The following ABCB9 variants were observed in gnomAD, a reference collection of about 807,000 sequenced individuals.
The protein encoded by ABCB9 is ATP binding cassette subfamily B member 9, also known as ABC-type oligopeptide transporter ABCB9.
ABCB9 carries 36 observed loss-of-function variants against 62.0 expected under a neutral mutation model. The observed-to-expected ratio is 0.58, with a 90% CI of 0.45 to 0.77. The LOEUF is 0.77. Ranked by LOEUF, ABCB9 falls within the 30% of genes least tolerant of loss-of-function variation. The pLI is 0.00. For synonymous variants in ABCB9, 435 were observed against 461.4 expected, an observed-to-expected ratio of 0.94 and a Z score of 0.73; for missense variants, 943 against 1,054.7, an observed-to-expected ratio of 0.89 and a Z score of 1.47.
chr12:122,937,395 ATAAT>A (rs929680007), intron 9 of ABCB9, among the ~76,000 whole-genome samples: 4 of 152,040 alleles, frequency 2.6e-5, no homozygotes, highest in African/African-American at 4.8e-5. Context: ...ACATAAATAA[ATAAT>A]TAAGAGAGGC....
intron 1 of ABCB9, among the ~76,000 whole-genome samples, chr12:122,973,785 C>T (rs1344625979): frequency 6.6e-6 from 1 of 151,938 alleles, no homozygotes; most frequent in East Asian, 1.9e-4. Context: ...GGCGTGAACC[C>T]GGGAGGCAGA....
chr12:122,949,655 G>A (rs891039486), intron 4 of ABCB9, 133 bp downstream of exon 4: 3 of 1,239,862 alleles, frequency 2.4e-6, no homozygotes, highest in Non-Finnish European at 3.4e-6. Flanking sequence ...GGTGTTCCCA[G>A]CCTGAACTAA....
chr12:122,950,843 G>T, intron 2 of ABCB9: 1 of 373,896 alleles, frequency 2.7e-6, no homozygotes, highest in Non-Finnish European at 5.0e-6. Context: ...CCTGCAGGAT[G>T]CTTCATTCTC....
chr12:122,965,769 C>T (rs1381502403), intron 1 of ABCB9, among the ~76,000 whole-genome samples: 1 of 152,036 alleles, frequency 6.6e-6, no homozygotes, highest in Non-Finnish European at 1.5e-5. Flanking sequence ...AAAAGAGGCT[C>T]CCCTGGGAAC....
At chr12:122,962,958 T>A (rs1427688518) in intron 1 of ABCB9, among the ~76,000 whole-genome samples, 1 of 152,192 alleles carries the variant, frequency 6.6e-6, no homozygotes, top group Non-Finnish European at 1.5e-5. Flanking sequence ...GCCCAGAATC[T>A]GTGTTCTTCA....
chr12:122,940,872 C>T lies in ABCB9; in HGVS notation c.1504G>A (p.Gly502Ser), dbSNP rs776623687. ...DGSLAPDHLE[G>S]RVDFENVTFT... ...GTCACATTCTCAAAGTCCACCCGGC[C>T]CTCCAGGTGGTCGGGGGCCAAGCTG... Residue 502 changes from glycine to serine, a missense_variant, in exon 8 of 12, where the codon GGC becomes AGC. Coordinates refer to ENST00000280560, the MANE Select transcript of ABCB9 (RefSeq NM_019625.4). The surrounding 1 kb of genome is among the most constrained non-coding windows in gnomAD (Gnocchi z 4.8). The T allele has an allele frequency of 1.7e-5, 27 of 1,612,090 alleles. No individual in the cohort carries two copies. Among genetic ancestry groups the T allele is most frequent in the Non-Finnish European group, 2.0e-5 (24 of 1,179,170 alleles).
intron 7 of ABCB9, among the ~76,000 whole-genome samples, chr12:122,942,852 T>A (rs1425412858): frequency 6.6e-6 from 1 of 152,236 alleles, no homozygotes; most frequent in African/African-American, 2.4e-5. Context: ...TCTCTGGACA[T>A]ACATCTTCGC....
chr12:122,971,228 T>TA (rs1264731329), upstream of ABCB9, among the ~76,000 whole-genome samples: 9 of 150,060 alleles, frequency 6.0e-5, no homozygotes, highest in South Asian at 2.1e-4. Flanking sequence ...ACCAAAAATA[T>TA]AAAAAAAAAT....
rs1347173180 is a variant in ABCB9, at chr12:122,930,212, C to A, written c.2041-41G>T. The A allele has an allele frequency of 1.3e-6, 2 of 1,502,268 alleles. No individual in the cohort carries two copies. Among genetic ancestry groups the A allele is most frequent in the Non-Finnish European group, 1.8e-6 (2 of 1,116,498 alleles). 93.1% of individuals were successfully genotyped at this position (1,502,268 alleles called of 1,614,324 possible). A position where few individuals can be genotyped will look rare whatever the true frequency, so the allele number is the denominator to read the frequency against. The stretch of plus-strand genomic sequence containing the variant: ...GGGCCTGGCTTGCATGGCACGGACG[C>A]CCCACCCGCAACCGTGCTTCATGCC... On this transcript the variant is annotated intron_variant, in intron 11 of 11. Transcript: ENST00000280560. The surrounding 1 kb of genome is among the most constrained non-coding windows in gnomAD (Gnocchi z 4.9).
At chr12:122,971,448 T>C (rs1011414322), upstream of ABCB9, among the ~76,000 whole-genome samples, 2 of 151,802 alleles carry the variant, frequency 1.3e-5, no homozygotes, top group African/African-American at 4.8e-5. Context: ...TAGAATATGT[T>C]TATTTAATTT....
rs756625329 is a variant in ABCB9, at chr12:122,948,757, A to T, written c.920T>A (p.Phe307Tyr). Reference sequence around the variant, plus strand: ...CGTGACCTTGACTGTGTTCCGCAGGAAGACATTGATGTTCTGGGAGACCAG... The same window carrying T: ...CGTGACCTTGACTGTGTTCCGCAGGTAGACATTGATGTTCTGGGAGACCAG... The part of the protein sequence containing the change: ...SDLVSQNINV[F>Y]LRNTVKVTGV... Residue 307 changes from phenylalanine to tyrosine, a missense_variant, in exon 5 of 12, where the codon TTC becomes TAC. By Grantham distance (22) the Phe-to-Tyr change is conservative. Coordinates refer to ENST00000280560, the MANE Select transcript of ABCB9 (RefSeq NM_019625.4). 2.5e-6 allele frequency: 4 copies of T among 1,612,208 alleles called. No homozygotes were observed. In the African/African-American group the frequency reaches 5.3e-5, roughly 22 times the overall value.
chr12:122,928,930 C>G, downstream of ABCB9: 2 of 889,526 alleles, frequency 2.2e-6, no homozygotes, highest in Non-Finnish European at 2.7e-6. Context: ...AGAGGAGAGC[C>G]GTGGTCTGGT....
Position 122,940,107 on chromosome 12 carries a change from A to G in ABCB9, c.1743+4T>C. 1 of 1,609,244 alleles carries G rather than the reference A, an allele frequency of 6.2e-7. No homozygotes were observed. The highest frequency in any genetic ancestry group is 1.1e-5 in the South Asian group (1 of 90,146). On this transcript the variant is annotated splice_donor_region_variant and intron_variant, in intron 9 of 11. Transcript: ENST00000280560. This position sits in a 1 kb window ranked among gnomAD's most constrained non-coding sequence, Gnocchi z 4.8. ...AGAAGTGTGGCCCAGGCCCGTGCAC[A>G]TACCACACGGTGCAAGTACTTGTGG...
chr12:122,950,392 T>G, intron 3 of ABCB9, 59 bp downstream of exon 3: 2 of 1,490,134 alleles, frequency 1.3e-6, no homozygotes, highest in African/African-American at 2.7e-5. Context: ...AGGCCCTCCC[T>G]TCCCTCCCTG....
At position 122,930,185 on chromosome 12, in the gene ABCB9, G is replaced by C. The variant is rs1363880802; in HGVS notation, c.2041-14C>G. The C allele has an allele frequency of 2.0e-6, 3 of 1,536,110 alleles. No homozygotes were observed. Among genetic ancestry groups the C allele is most frequent in the African/African-American group, 1.4e-5 (1 of 72,862 alleles). ...GGCCTGCTGGATCTGCGGGGACAGTGGGGGCCTGGCTTGCATGGCACGGAC... is the reference window on the plus strand; with the variant it reads ...GGCCTGCTGGATCTGCGGGGACAGTCGGGGCCTGGCTTGCATGGCACGGAC... On this transcript the variant is annotated splice_polypyrimidine_tract_variant and intron_variant, in intron 11 of 11. Transcript: ENST00000280560. This position sits in a 1 kb window ranked among gnomAD's most constrained non-coding sequence, Gnocchi z 4.9.
At chr12:122,958,889 CTT>C (rs984839632) in intron 2 of ABCB9, among the ~76,000 whole-genome samples, 56 of 151,764 alleles carry the variant, frequency 3.7e-4, no homozygotes, top group African/African-American at 1.2e-3. Context: ...TTTTTCTTCT[CTT>C]GTCTTTTACT....
chr12:122,944,001 C>T lies in ABCB9; in HGVS notation c.1380+390G>A, dbSNP rs1025081154. Among the ~76,000 whole-genome samples the T allele has an allele frequency of 5.3e-5, 8 of 152,062 alleles. No individual in the cohort carries two copies. Among genetic ancestry groups the T allele is most frequent in the African/African-American group, 1.9e-4 (8 of 41,408 alleles). On this transcript the variant is annotated intron_variant, in intron 7 of 11. Coordinates refer to ENST00000280560, the MANE Select transcript of ABCB9 (RefSeq NM_019625.4). This position sits in a 1 kb window ranked among gnomAD's most constrained non-coding sequence, Gnocchi z 4.9. ...TCACCCAGGCTGGAGTACAGTGGTG[C>T]GATCTCAGCTCACTGCAACCTCTGC...
At chr12:122,961,051 G>A (rs533525417) in intron 1 of ABCB9, among the ~76,000 whole-genome samples, 22 of 148,328 alleles carry the variant, frequency 1.5e-4, no homozygotes, top group African/African-American at 4.7e-4. Flanking sequence ...GTGACAGCAA[G>A]ATCCTATCTC....
chr12:122,950,308 A>G (rs2036292854), intron 3 of ABCB9, 143 bp downstream of exon 3: 1 of 766,152 alleles, frequency 1.3e-6, no homozygotes, highest in South Asian at 1.8e-5. Flanking sequence ...GCCGGTTCCC[A>G]GGGTGACCAG....
Sources: gnomAD v4.1 joint callset for allele counts (sites outside exome capture counted in the v4.1 genomes callset) on GRCh38, gnomAD v4.1.1 for gene constraint, Gnocchi (gnomAD v3.1) non-coding constraint, MANE v1.5 for transcripts, NCBI Gene and HGNC (gene_info 2026-07-23, HGNC 2026-07-21) for gene names.